The following RBFOX1 variants were observed in gnomAD, a reference collection of about 807,000 sequenced individuals.
RBFOX1 encodes the protein RNA binding fox-1 homolog 1, also known as RNA binding protein fox-1 homolog 1.
RBFOX1 carries 8 observed loss-of-function variants against 57.7 expected under a neutral mutation model. The observed-to-expected ratio is 0.14, with a 90% CI of 0.08 to 0.25. The LOEUF (loss-of-function observed/expected upper bound fraction) is 0.25, where lower values mean the gene tolerates loss of function less well. RBFOX1 is among the 10% of genes least tolerant of loss of function. RBFOX1 has a pLI of 1.00. For synonymous variants in RBFOX1, 326 were observed against 222.4 expected (o/e 1.47, Z -4.15); for missense variants, 611 against 548.5 (o/e 1.11, Z -1.14).
At chr16:6,142,411 T>C (rs141459545) in intron 1 of RBFOX1, among the ~76,000 whole-genome samples, 10,493 of 151,696 alleles carry the variant, frequency 0.069, 412 homozygotes, top group Middle Eastern at 0.14. Flanking sequence ...TTAGTAGAGA[T>C]GGGGTTTCAC....
At chr16:6,488,118 C>G (rs769495059) in intron 2 of RBFOX1, among the ~76,000 whole-genome samples, 4 of 152,154 alleles carry the variant, frequency 2.6e-5, no homozygotes, top group Admixed American at 6.5e-5. Context: ...GTTTGTTTTA[C>G]AGAGAAGACC....
At chr16:7,087,613 A>G (rs1441111148) in intron 4 of RBFOX1, among the ~76,000 whole-genome samples, 1 of 152,056 alleles carries the variant, frequency 6.6e-6, no homozygotes, top group Non-Finnish European at 1.5e-5. Flanking sequence ...AGAGAGAGAG[A>G]GGCAGCCAGA....
At chr16:6,724,836 C>G (rs139188697) in intron 3 of RBFOX1, among the ~76,000 whole-genome samples, 2 of 152,224 alleles carry the variant, frequency 1.3e-5, no homozygotes, top group African/African-American at 4.8e-5. Context: ...ATCAACCCAT[C>G]ACCTAGGTGT....
chr16:5,651,910 A>T, intron 3 of RBFOX1, among the ~76,000 whole-genome samples: 1 of 152,290 alleles, frequency 6.6e-6, no homozygotes, highest in East Asian at 1.9e-4. Flanking sequence ...AGGCAGGAGG[A>T]TCGCTTGAGG....
intron 3 of RBFOX1, among the ~76,000 whole-genome samples, chr16:6,693,335 C>A (rs1195565324): frequency 6.6e-6 from 1 of 151,468 alleles, no homozygotes; most frequent in South Asian, 2.1e-4. Context: ...TCACCATCAT[C>A]CGTCTCCACT....
intron 2 of RBFOX1, among the ~76,000 whole-genome samples, chr16:5,557,185 A>G (rs556096392): frequency 8.4e-4 from 128 of 152,102 alleles, no homozygotes; most frequent in Admixed American, 1.4e-3. Context: ...GTTTGAACCC[A>G]GGAGGCAGAG....
At position 6,904,601 on chromosome 16, in the gene RBFOX1, A is replaced by T. The variant is rs1269988480; in HGVS notation, c.-15-147456A>T. Among the ~76,000 whole-genome samples, 118 of 45,698 alleles carry T rather than the reference A, an allele frequency of 2.6e-3. 1 individual carries two copies. The highest frequency in any genetic ancestry group is 6.5e-3 in the African/African-American group (115 of 17,808). 30.0% of individuals were successfully genotyped at this position (45,698 alleles called of 152,430 possible). A position where few individuals can be genotyped will look rare whatever the true frequency, so the allele number is the denominator to read the frequency against. ...GGGTGACAGAGTGAGACTCTCTCTA[A>T]AAAAAAAAAAAAAAAAAAAAAAAAA... On this transcript the variant is annotated intron_variant, in intron 3 of 15. Coordinates refer to ENST00000550418, the MANE Select transcript of RBFOX1 (RefSeq NM_018723.4).
At chr16:6,714,408 A>C (rs1051178136) in intron 3 of RBFOX1, among the ~76,000 whole-genome samples, 1 of 152,236 alleles carries the variant, frequency 6.6e-6, no homozygotes. Flanking sequence ...TGCAGAATTT[A>C]TTTTGTGAAG....
At chr16:6,285,423 G>C (rs1270144741) in intron 1 of RBFOX1, among the ~76,000 whole-genome samples, 1 of 152,132 alleles carries the variant, frequency 6.6e-6, no homozygotes, top group African/African-American at 2.4e-5. Context: ...GCTGACAGGA[G>C]TATTTCTAAG....
chr16:6,616,934 C>G (rs1174449233), intron 2 of RBFOX1, among the ~76,000 whole-genome samples: 1 of 152,168 alleles, frequency 6.6e-6, no homozygotes, highest in Non-Finnish European at 1.5e-5. Context: ...CATATTGTCT[C>G]TGGTTGGCTT....
intron 2 of RBFOX1, among the ~76,000 whole-genome samples, chr16:6,386,703 C>G (rs552199456): frequency 6.6e-6 from 1 of 152,274 alleles, no homozygotes; most frequent in South Asian, 2.1e-4. Flanking sequence ...AGTAGGAACT[C>G]AAGTGATTAT....
chr16:6,349,184 G>A (rs1396569383), intron 2 of RBFOX1, among the ~76,000 whole-genome samples: 4 of 152,224 alleles, frequency 2.6e-5, no homozygotes, highest in African/African-American at 4.8e-5. Context: ...TTTTAGACAG[G>A]TTTAGAGCAG....
chr16:5,272,155 G>A (rs951328202), intron 1 of RBFOX1, among the ~76,000 whole-genome samples: 2 of 152,088 alleles, frequency 1.3e-5, no homozygotes, highest in Admixed American at 1.3e-4. Context: ...GAAATCTGTA[G>A]CACAGCAGCG....
At chr16:7,071,585 ATATG>A (rs1222208329) in intron 4 of RBFOX1, among the ~76,000 whole-genome samples, 3 of 78,786 alleles carry the variant, frequency 3.8e-5, no homozygotes, top group African/African-American at 1.6e-4. Flanking sequence ...ATTTGCCCAG[ATATG>A]TGTGTGTGTG....
chr16:6,899,678 G>A (rs900649647), intron 3 of RBFOX1, among the ~76,000 whole-genome samples: 1 of 152,186 alleles, frequency 6.6e-6, no homozygotes, highest in Non-Finnish European at 1.5e-5. Flanking sequence ...GTGTCAATTG[G>A]AATTATCTCT....
At chr16:7,332,267 G>A (rs1304635275) in intron 4 of RBFOX1, among the ~76,000 whole-genome samples, 2 of 152,128 alleles carry the variant, frequency 1.3e-5, no homozygotes, top group African/African-American at 4.8e-5. Context: ...TAATAGTACT[G>A]ACTTCAGAGA....
chr16:6,898,925 ATGTG>A (rs1042936610), intron 3 of RBFOX1, among the ~76,000 whole-genome samples: 3 of 150,944 alleles, frequency 2.0e-5, no homozygotes, highest in Admixed American at 6.6e-5. Context: ...ATATGTGTAT[ATGTG>A]TGTATGTGTG....
intron 2 of RBFOX1, among the ~76,000 whole-genome samples, chr16:6,595,755 G>A (rs546723509): frequency 3.3e-5 from 5 of 151,984 alleles, no homozygotes; most frequent in Non-Finnish European, 5.9e-5. Flanking sequence ...CATTTTGATA[G>A]GTATGAAGTA....
intron 2 of RBFOX1, among the ~76,000 whole-genome samples, chr16:6,438,987 G>A (rs573981462): frequency 2.2e-4 from 34 of 152,284 alleles, no homozygotes; most frequent in African/African-American, 8.2e-4. Context: ...GTGGCTTGAA[G>A]TTCTGCACCC....
Sources: gnomAD v4.1 joint callset for allele counts (sites outside exome capture counted in the v4.1 genomes callset) on GRCh38, gnomAD v4.1.1 for gene constraint, MANE v1.5 for transcripts, NCBI Gene and HGNC (gene_info 2026-07-23, HGNC 2026-07-21) for gene names.